Variants in TBC1D19 observed in about 807,000 individuals in gnomAD.
TBC1D19 encodes TBC1 domain family member 19, also known as TBC1 domain family, member 19.
Under a neutral mutation model 89.0 loss-of-function variants are expected in TBC1D19, and 60 were observed. The observed-to-expected ratio is 0.67, with a 90% CI of 0.55 to 0.84. The LOEUF is 0.84. Ranked by LOEUF, TBC1D19 falls within the 40% of genes least tolerant of loss-of-function variation. The probability of loss-of-function intolerance (pLI) is 0.00; values close to 1 mark genes in which losing one functional copy is unlikely to be tolerated. For missense variants in TBC1D19, 500 were observed against 610.8 expected (o/e 0.82, Z 1.91); for synonymous variants, 189 against 199.7 (o/e 0.95, Z 0.45).
chr4:26,834,312 G>A, the TBC1D19 span, among the ~76,000 whole-genome samples: 1 of 152,182 alleles, frequency 6.6e-6, no homozygotes, highest in South Asian at 2.1e-4. Context: ...AGCCATGTGT[G>A]TGCTCTATGA....
At chr4:26,659,481 C>A in intron 7 of TBC1D19, 116 bp from the exon 8 acceptor site, 1 of 544,164 alleles carries the variant, frequency 1.8e-6, no homozygotes, top group Non-Finnish European at 3.3e-6. Context: ...AAAGTATGTG[C>A]ATCACCCAAA....
chr4:26,775,337 C>G, the TBC1D19 span, among the ~76,000 whole-genome samples: 2 of 152,166 alleles, frequency 1.3e-5, no homozygotes, highest in Non-Finnish European at 1.5e-5. Context: ...GCCTATGGTC[C>G]TAGCTACTCA....
intron 7 of TBC1D19, among the ~76,000 whole-genome samples, chr4:26,652,216 T>C (rs1355261244): frequency 6.6e-6 from 1 of 152,170 alleles, no homozygotes; most frequent in East Asian, 1.9e-4. Context: ...ATCAGGATGA[T>C]ACTGGCCTTA....
chr4:26,584,648 TG>T (rs1739309210), intron 1 of TBC1D19, among the ~76,000 whole-genome samples: 1 of 152,186 alleles, frequency 6.6e-6, no homozygotes, highest in African/African-American at 2.4e-5. Flanking sequence ...CTGGACTCAC[TG>T]AAGGTAGCTT....
rs1364483712 is a variant in TBC1D19, at chr4:26,673,829, C to A, written c.757C>A (p.Pro253Thr). Residue 253 changes from proline to threonine, a missense_variant, in exon 11 of 21, where the codon CCC becomes ACC. By Grantham distance (38) the Pro-to-Thr change is conservative. Around this residue, in one of 2 missense-constraint regions of TBC1D19, gnomAD observed 280 missense variants for 291.7 expected, o/e 0.96. Coordinates refer to ENST00000264866, the MANE Select transcript of TBC1D19 (RefSeq NM_018317.4). ...TCAACAGTACATCAGACAAGGAAGT[C>A]CCACGGCACTGAGAGCTGAATTGTG... ...AAQQYIRQGS[P>T]TALRAELWAL... The A allele has an allele frequency of 6.2e-7, 1 of 1,610,902 alleles. No individual in the cohort carries two copies. The highest frequency in any genetic ancestry group is 1.1e-5 in the South Asian group (1 of 90,794).
At chr4:26,808,741 A>AAAAAAAG in the TBC1D19 span, among the ~76,000 whole-genome samples, 1 of 150,268 alleles carries the variant, frequency 6.7e-6, no homozygotes, top group Non-Finnish European at 1.5e-5. Context: ...AAAAAAAAAA[A>AAAAAAAG]AAAAAGAAAA....
Position 26,584,225 on chromosome 4 carries a change from T to C in TBC1D19, c.32T>C (p.Ile11Thr), listed in dbSNP as rs775186354. 2.5e-6 allele frequency: 4 copies of C among 1,612,748 alleles called. No individual in the cohort carries two copies. The highest frequency in any genetic ancestry group is 2.2e-5 in the South Asian group (2 of 90,446). The change falls in exon 1 of 21, where the codon ATT becomes ACT. Residue 11 changes from isoleucine (I) to threonine (T), a missense_variant. This residue lies in a region of TBC1D19 where 280 missense variants were observed against 291.7 expected (regional missense o/e 0.96). Transcript: ENST00000264866. MLQEESDLSL[I>T]IAQIVQKLKG... ...CAGGAGGAGTCGGACCTCTCTCTCATTATTGCCCAGATAGTCCAAAAGCTC... is the reference window on the plus strand; with the variant it reads ...CAGGAGGAGTCGGACCTCTCTCTCACTATTGCCCAGATAGTCCAAAAGCTC...
chr4:26,584,381 C>G (rs1350697549), intron 1 of TBC1D19, 89 bp downstream of exon 1: 1 of 1,203,378 alleles, frequency 8.3e-7, no homozygotes, highest in Non-Finnish European at 1.2e-6. Context: ...CAGAGCTCGC[C>G]TCTGACCTCT....
chr4:26,742,730 A>T, intron 18 of TBC1D19, 131 bp downstream of exon 18: 2 of 539,278 alleles, frequency 3.7e-6, no homozygotes, highest in Non-Finnish European at 6.2e-6. Flanking sequence ...ATAAAACTAT[A>T]ATTATCAATT....
chr4:26,734,617 A>G (rs1717853133), intron 15 of TBC1D19, among the ~76,000 whole-genome samples: 1 of 152,148 alleles, frequency 6.6e-6, no homozygotes, highest in African/African-American at 2.4e-5. Context: ...ATTTCTGCCA[A>G]TATTTCTTCT....
chr4:26,631,988 G>A (rs1307313306), intron 4 of TBC1D19, among the ~76,000 whole-genome samples: 1 of 152,044 alleles, frequency 6.6e-6, no homozygotes, highest in Non-Finnish European at 1.5e-5. Flanking sequence ...TATATTTGGA[G>A]AACTGTGATT....
In TBC1D19 at chr4:26,710,667, A is replaced by G. The variant is rs186815463; in HGVS notation, c.955-7266A>G. 4.2e-3 allele frequency among the ~76,000 whole-genome samples: 639 copies of G among 151,122 alleles called. 4 individuals are homozygous for G. Among genetic ancestry groups the G allele is most frequent in the Non-Finnish European group, 7.4e-3 (500 of 67,336 alleles). On this transcript the variant is annotated intron_variant, in intron 13 of 20. Coordinates refer to ENST00000264866, the MANE Select transcript of TBC1D19 (RefSeq NM_018317.4). ...CCACCAACAGTGTAAAACTGTTCCT[A>G]TCTCCACATCCTCTCCAGCACCTGT...
chr4:26,762,032 A>G, the TBC1D19 span, among the ~76,000 whole-genome samples: 1 of 152,186 alleles, frequency 6.6e-6, no homozygotes, highest in Non-Finnish European at 1.5e-5. Context: ...GCTACTTGGG[A>G]GGCTGAGGCA....
chr4:26,694,658 G>C (rs1381520488), intron 13 of TBC1D19, among the ~76,000 whole-genome samples: 1 of 152,204 alleles, frequency 6.6e-6, no homozygotes, highest in Non-Finnish European at 1.5e-5. Context: ...GGGGCAGACT[G>C]ACACTTCACA....
At chr4:26,700,134 A>T (rs187581444) in intron 13 of TBC1D19, among the ~76,000 whole-genome samples, 1 of 152,164 alleles carries the variant, frequency 6.6e-6, no homozygotes, top group Non-Finnish European at 1.5e-5. Flanking sequence ...GCTCACCAAC[A>T]AATTTATAAT....
At chr4:26,710,221 C>T (rs9917868) in intron 13 of TBC1D19, among the ~76,000 whole-genome samples, 2,292 of 152,162 alleles carry the variant, frequency 0.015, 53 homozygotes, top group African/African-American at 0.051. Flanking sequence ...GTGATGTTCC[C>T]CTTCCTGTGT....
At chr4:26,835,866 A>G in the TBC1D19 span, among the ~76,000 whole-genome samples, 1 of 151,382 alleles carries the variant, frequency 6.6e-6, no homozygotes, top group Non-Finnish European at 1.5e-5. Context: ...TGTGATGCCT[A>G]TTTTCTTCCC....
At chr4:26,636,846 A>T (rs2110071403) in intron 4 of TBC1D19, among the ~76,000 whole-genome samples, 1 of 152,256 alleles carries the variant, frequency 6.6e-6, no homozygotes, top group Non-Finnish European at 1.5e-5. Context: ...TGAGATTCCT[A>T]AGTATTAAAC....
At chr4:26,836,336 A>C in the TBC1D19 span, among the ~76,000 whole-genome samples, 1 of 152,244 alleles carries the variant, frequency 6.6e-6, no homozygotes, top group Admixed American at 6.5e-5. Context: ...GGGTTCCTCA[A>C]CAAATGTATT....
Sources: allele counts gnomAD v4.1 joint callset (sites outside exome capture counted in the v4.1 genomes callset), GRCh38; gene constraint gnomAD v4.1.1; regional missense constraint gnomAD v4.1.1; transcripts MANE v1.5; gene names NCBI Gene and HGNC (gene_info 2026-07-23, HGNC 2026-07-21).